USP34: variants seen among roughly 807,000 people sequenced by gnomAD.
USP34 encodes ubiquitin specific peptidase 34.
A neutral mutation model predicts 460.3 loss-of-function variants in USP34; 70 were observed. The observed-to-expected ratio is 0.15, with a 90% CI of 0.13 to 0.19. USP34 has a LOEUF of 0.19. USP34 is among the 10% of genes least tolerant of loss of function. The pLI is 1.00. For synonymous variants in USP34, 1,647 were observed against 1,405.3 expected, an observed-to-expected ratio of 1.17 and a Z score of -3.85; for missense variants, 3,985 against 4,236.2, an observed-to-expected ratio of 0.94 and a Z score of 1.65.
chr2:61,190,122 C>A, intron 78 of USP34, 149 bp downstream of exon 78: 1 of 995,024 alleles, frequency 1.0e-6, no homozygotes, highest in Non-Finnish European at 1.4e-6. Flanking sequence ...GCATAGTAAA[C>A]GTGTATTTAA....
At chr2:61,382,941 G>A (rs202171135) in intron 6 of USP34, among the ~76,000 whole-genome samples, 1 of 151,964 alleles carries the variant, frequency 6.6e-6, no homozygotes, top group Non-Finnish European at 1.5e-5. Context: ...TTTGCAATTT[G>A]TTTTCTTCTC....
intron 12 of USP34, among the ~76,000 whole-genome samples, 187 bp from the exon 13 acceptor site, chr2:61,349,472 G>A (rs763410646): frequency 1.3e-5 from 2 of 152,110 alleles, no homozygotes; most frequent in Non-Finnish European, 2.9e-5. Flanking sequence ...GAGAGGGGTA[G>A]TATATGTTGT....
At chr2:61,299,746 T>C (rs778119070) in intron 29 of USP34, among the ~76,000 whole-genome samples, 20 of 152,120 alleles carry the variant, frequency 1.3e-4, no homozygotes, top group Non-Finnish European at 2.2e-4. Flanking sequence ...ACTGAGACCA[T>C]GTCTCACAAA....
At chr2:61,362,185 G>A (rs375618929) in intron 10 of USP34, among the ~76,000 whole-genome samples, 4 of 152,164 alleles carry the variant, frequency 2.6e-5, no homozygotes, top group African/African-American at 9.6e-5. Flanking sequence ...TGGAGAAATG[G>A]GAATCCTTAT....
chr2:61,427,917 C>T (rs561468408), intron 1 of USP34, among the ~76,000 whole-genome samples: 1 of 152,174 alleles, frequency 6.6e-6, no homozygotes, highest in South Asian at 2.1e-4. Context: ...AATCCCAGCA[C>T]TTTGGATGGC....
Position 61,268,424 on chromosome 2 carries a change from G to A in USP34, c.5434-2257C>T, listed in dbSNP as rs1260219383. ...GTGAGTTCTCACTCTTTGAGTTCAT[G>A]CAAGAGCTGTTGTTAAAAAAAAAAA... On this transcript the variant is annotated intron_variant, in intron 41 of 79. Coordinates refer to ENST00000398571, the MANE Select transcript of USP34 (RefSeq NM_014709.4). 6.4e-5 allele frequency among the ~76,000 whole-genome samples: 7 copies of A among 108,866 alleles called. No homozygotes were observed. The East Asian group carries it at 2.0e-3, about 32-fold the overall frequency. 71.4% of individuals were successfully genotyped at this position (108,866 alleles called of 152,430 possible). A position where few individuals can be genotyped will look rare whatever the true frequency, so the allele number is the denominator to read the frequency against.
intron 1 of USP34, among the ~76,000 whole-genome samples, chr2:61,444,939 G>A (rs999890878): frequency 1.4e-5 from 2 of 144,536 alleles, no homozygotes; most frequent in Admixed American, 6.9e-5. Flanking sequence ...AAAAAAAACT[G>A]AGCAAGTGAG....
intron 21 of USP34, among the ~76,000 whole-genome samples, chr2:61,323,485 A>G (rs1180682804): frequency 6.7e-6 from 1 of 149,170 alleles, no homozygotes; most frequent in Non-Finnish European, 1.5e-5. Context: ...ACTGCACTCC[A>G]GCCTGGGCAA....
intron 30 of USP34, among the ~76,000 whole-genome samples, chr2:61,295,889 C>G (rs369209545): frequency 6.6e-6 from 1 of 152,198 alleles, no homozygotes; most frequent in Non-Finnish European, 1.5e-5. Flanking sequence ...AACATTAGGA[C>G]ATTTATTTTT....
At chr2:61,259,352 G>C (rs1688810188) in intron 44 of USP34, among the ~76,000 whole-genome samples, 1 of 151,956 alleles carries the variant, frequency 6.6e-6, no homozygotes, top group South Asian at 2.1e-4. Context: ...AACTTTTTTA[G>C]GTTTTGTCAC....
chr2:61,260,413 A>G (rs1356460015), intron 43 of USP34, among the ~76,000 whole-genome samples: 1 of 152,228 alleles, frequency 6.6e-6, no homozygotes, highest in African/African-American at 2.4e-5. Context: ...ATGAATCTAT[A>G]AAGTAGGTAT....
chr2:61,247,817 CAG>C (rs1184516876), intron 49 of USP34, among the ~76,000 whole-genome samples: 7 of 152,110 alleles, frequency 4.6e-5, no homozygotes, highest in Non-Finnish European at 1.0e-4. Context: ...TTTTTTGAGA[CAG>C]AGTCTCGCTC....
At chr2:61,193,015 TTA>T in intron 75 of USP34, 35 bp from the exon 76 acceptor site, 1 of 1,526,728 alleles carries the variant, frequency 6.5e-7, no homozygotes, top group East Asian at 2.4e-5. Context: ...TAGGTTATAA[TTA>T]TAAATTATAC....
chr2:61,241,732 A>G (rs769060875), intron 52 of USP34, 34 bp downstream of exon 52: 4 of 1,502,844 alleles, frequency 2.7e-6, no homozygotes, highest in Non-Finnish European at 3.6e-6. Context: ...AGAAGAAAAA[A>G]CAATATAAAA....
chr2:61,405,325 CTT>C (rs945227293), intron 3 of USP34, among the ~76,000 whole-genome samples: 3 of 150,316 alleles, frequency 2.0e-5, no homozygotes, highest in Non-Finnish European at 3.0e-5. Flanking sequence ...ATTTGCTAAG[CTT>C]TTTTTTCTTG....
intron 48 of USP34, 35 bp downstream of exon 48, chr2:61,256,349 T>C: frequency 6.5e-7 from 1 of 1,549,868 alleles, no homozygotes; most frequent in Admixed American, 1.7e-5. Flanking sequence ...ACTTCTACGG[T>C]GAACATAATA....
chr2:61,433,897 C>A (rs1192764834), intron 1 of USP34, among the ~76,000 whole-genome samples: 1 of 152,168 alleles, frequency 6.6e-6, no homozygotes, highest in South Asian at 2.1e-4. Context: ...CTTCATTACA[C>A]CAAGGCCACA....
intron 51 of USP34, among the ~76,000 whole-genome samples, chr2:61,242,622 G>A (rs1016808243): frequency 2.0e-5 from 3 of 152,058 alleles, no homozygotes; most frequent in Admixed American, 2.0e-4. Flanking sequence ...TCCCAGAGAG[G>A]TAAGTGAACA....
At chr2:61,263,245 A>C (rs111590974) in intron 43 of USP34, among the ~76,000 whole-genome samples, 23,734 of 141,776 alleles carry the variant, frequency 0.17, 2,440 homozygotes, top group African/African-American at 0.29. Flanking sequence ...TAATGGCTCG[A>C]TCTCAGCTCA....
Sources: allele counts gnomAD v4.1 joint callset (sites outside exome capture counted in the v4.1 genomes callset), GRCh38; gene constraint gnomAD v4.1.1; transcripts MANE v1.5; gene names NCBI Gene and HGNC (gene_info 2026-07-23, HGNC 2026-07-21).